Variants in FHDC1 observed in about 807,000 individuals in gnomAD.
The protein encoded by FHDC1 is FH2 domain-containing protein 1.
Under a neutral mutation model 52.6 loss-of-function variants are expected in FHDC1, and 25 were observed. The ratio of observed to expected loss-of-function variants is 0.48; its 90% CI spans 0.35 to 0.66. The LOEUF is 0.66. Ranked by LOEUF, FHDC1 falls within the 30% of genes least tolerant of loss-of-function variation. FHDC1 has a pLI of 0.01. For synonymous variants in FHDC1, 616 were observed against 581.5 expected, an observed-to-expected ratio of 1.06 and a Z score of -0.85; for missense variants, 1,459 against 1,452.8, an observed-to-expected ratio of 1.00 and a Z score of -0.07.
intron 8 of FHDC1, 84 bp downstream of exon 8, chr4:152,963,214 T>C: frequency 8.3e-7 from 1 of 1,208,768 alleles, no homozygotes; most frequent in Non-Finnish European, 1.2e-6. Flanking sequence ...TAAGATGGTG[T>C]CCAGCAGGGT....
chr4:152,934,101 G>A (rs1410431001), upstream of FHDC1, among the ~76,000 whole-genome samples: 1 of 152,158 alleles, frequency 6.6e-6, no homozygotes, highest in African/African-American at 2.4e-5. Flanking sequence ...TAAGTGTGGT[G>A]CCTGATATGT....
In FHDC1 at chr4:152,975,937, G is replaced by T. The variant is rs1740858190; in HGVS notation, c.2646G>T (p.Arg882=). ...PGASKPGSAR[R]SQGAVAKSVR... ...CCTCCAAGCCCGGGAGCGCCCGGCGGAGCCAGGGGGCAGTGGCCAAGTCTG... is the reference window on the plus strand; with the variant it reads ...CCTCCAAGCCCGGGAGCGCCCGGCGTAGCCAGGGGGCAGTGGCCAAGTCTG... Residue 882 remains arginine, a synonymous_variant, in exon 12 of 12, where the codon CGG becomes CGT. Coordinates refer to ENST00000511601, the MANE Select transcript of FHDC1 (RefSeq NM_001371116.1). The T allele has an allele frequency of 1.3e-6, 2 of 1,514,280 alleles. No individual in the cohort carries two copies. The highest frequency in any genetic ancestry group is 1.8e-6 in the Non-Finnish European group (2 of 1,133,666). The allele number at this position is 1,514,280 out of a possible 1,614,324, so 93.8% of individuals were successfully genotyped here. A position where few individuals can be genotyped will look rare whatever the true frequency, so the allele number is the denominator to read the frequency against.
intron 9 of FHDC1, among the ~76,000 whole-genome samples, chr4:152,965,823 G>A (rs943484365): frequency 6.6e-6 from 1 of 152,172 alleles, no homozygotes; most frequent in Non-Finnish European, 1.5e-5. Context: ...CCAGTTCCTA[G>A]CATATACTTA....
At chr4:152,953,606 C>A in intron 3 of FHDC1, 46 bp downstream of exon 3, 2 of 1,516,604 alleles carry the variant, frequency 1.3e-6, no homozygotes, top group South Asian at 1.1e-5. Context: ...TCCCTGCTGT[C>A]AGCATCAAAG....
Position 152,967,907 on chromosome 4 carries a change from G to A in FHDC1, c.1101-73G>A, listed in dbSNP as rs1740512340. The A allele has an allele frequency of 6.4e-6, 7 of 1,092,278 alleles. No individual in the cohort carries two copies. In the South Asian group the frequency reaches 8.6e-5, roughly 13 times the overall value. The allele number at this position is 1,092,278 out of a possible 1,614,324, so 67.7% of individuals were successfully genotyped here. A position where few individuals can be genotyped will look rare whatever the true frequency, so the allele number is the denominator to read the frequency against. ...TGTTTCCAAGGTTGAACAACAGTTA[G>A]TCTTATTTAATATACCTACATGACA... On this transcript the variant is annotated intron_variant, in intron 9 of 11. Transcript: ENST00000511601.
chr4:152,924,725 T>C, the FHDC1 span, among the ~76,000 whole-genome samples: 2 of 151,756 alleles, frequency 1.3e-5, no homozygotes, highest in African/African-American at 4.8e-5. Context: ...ATGGATGAAA[T>C]TGGAAATCAT....
the FHDC1 span, among the ~76,000 whole-genome samples, chr4:152,925,985 A>G: frequency 2.0e-5 from 3 of 152,116 alleles, no homozygotes; most frequent in African/African-American, 2.4e-5. Flanking sequence ...TTGTCTGTTT[A>G]CGCTCTTGGG....
At chr4:152,956,904 G>A (rs899581936) in intron 4 of FHDC1, among the ~76,000 whole-genome samples, 10 of 152,136 alleles carry the variant, frequency 6.6e-5, no homozygotes, top group African/African-American at 1.9e-4. Flanking sequence ...CCCCAGAGCC[G>A]GCAGGAGCCC....
At chr4:152,927,231 C>T in the FHDC1 span, among the ~76,000 whole-genome samples, 1 of 152,210 alleles carries the variant, frequency 6.6e-6, no homozygotes, top group Non-Finnish European at 1.5e-5. Context: ...CGGGAGGCTC[C>T]CAGGCCTCAG....
chr4:152,927,727 T>G, the FHDC1 span: 1 of 1,481,158 alleles, frequency 6.8e-7, no homozygotes, highest in East Asian at 2.3e-5. Flanking sequence ...ATGAGGTTTC[T>G]CGACAGCAGG....
chr4:152,930,841 G>A, the FHDC1 span, among the ~76,000 whole-genome samples: 10 of 152,044 alleles, frequency 6.6e-5, no homozygotes, highest in African/African-American at 9.7e-5. Flanking sequence ...GCACACACTC[G>A]ATTTCCAAGG....
chr4:152,922,687 G>A, the FHDC1 span, among the ~76,000 whole-genome samples: 2 of 152,192 alleles, frequency 1.3e-5, no homozygotes, highest in Non-Finnish European at 2.9e-5. Context: ...TCCCTGGGAT[G>A]CAAGGCTGGT....
intron 6 of FHDC1, among the ~76,000 whole-genome samples, chr4:152,961,301 C>A (rs62320610): frequency 6.6e-6 from 1 of 152,114 alleles, no homozygotes; most frequent in Non-Finnish European, 1.5e-5. Flanking sequence ...TGGGGTCAAC[C>A]GTGTGACTCT....
At chr4:152,936,904 C>T (rs1227220338) in intron 1 of FHDC1, among the ~76,000 whole-genome samples, 1 of 152,278 alleles carries the variant, frequency 6.6e-6, no homozygotes, top group Non-Finnish European at 1.5e-5. Flanking sequence ...CGCCTGGCCC[C>T]TGACACAGTG....
chr4:152,954,362 A>G (rs1444880320), intron 4 of FHDC1, 43 bp downstream of exon 4: 1 of 1,514,796 alleles, frequency 6.6e-7, no homozygotes, highest in African/African-American at 1.4e-5. Context: ...AGGAGTGATC[A>G]TAAAAGCTTA....
chr4:152,912,147 A>AT, the FHDC1 span: 1 of 152,080 alleles, frequency 6.6e-6, no homozygotes, highest in Admixed American at 6.5e-5. Context: ...TCATGGATTA[A>AT]TTTTTTTCAG....
rs200840263 is a variant in FHDC1, at chr4:152,975,294, T to C, written c.2003T>C (p.Leu668Pro). Residue 668 changes from leucine to proline, a missense_variant, in exon 12 of 12, where the codon CTG (leucine) becomes CCG (proline). Physicochemically the swap from Leu to Pro is moderately conservative, Grantham distance 98. This residue lies in a region of FHDC1 where 939 missense variants were observed against 854.5 expected (regional missense o/e 1.10). Coordinates refer to ENST00000511601, the MANE Select transcript of FHDC1 (RefSeq NM_001371116.1). ...AQSPPLSPLA[L>P]GIKEHELVTG... ...TCCCCTCCTCTCTCGCCATTGGCTC[T>C]GGGAATTAAGGAGCATGAGCTGGTG... 6.1e-5 allele frequency: 99 copies of C among 1,613,666 alleles called. 1 individual carries two copies. In the African/African-American group the frequency reaches 1.3e-3, roughly 21 times the overall value.
At chr4:152,958,969 A>G (rs1337913343) in intron 4 of FHDC1, among the ~76,000 whole-genome samples, 1 of 152,214 alleles carries the variant, frequency 6.6e-6, no homozygotes, top group Non-Finnish European at 1.5e-5. Context: ...GAAGTGTTAC[A>G]TTTTATATTT....
chr4:152,937,353 A>C (rs1561199791), intron 1 of FHDC1, among the ~76,000 whole-genome samples: 1 of 151,140 alleles, frequency 6.6e-6, no homozygotes, highest in African/African-American at 2.4e-5. Flanking sequence ...TCACACGGAC[A>C]CCTCCCCTAG....
Sources: gnomAD v4.1 joint callset for allele counts (sites outside exome capture counted in the v4.1 genomes callset) on GRCh38, gnomAD v4.1.1 for gene constraint, gnomAD v4.1.1 regional missense constraint, MANE v1.5 for transcripts, NCBI Gene and HGNC (gene_info 2026-07-23, HGNC 2026-07-21) for gene names.